POC1A: variants seen among roughly 807,000 people sequenced by gnomAD.
The protein encoded by POC1A is POC1 centriolar protein homolog A.
A neutral mutation model predicts 47.8 loss-of-function variants in POC1A; 34 were observed. The ratio of observed to expected loss-of-function variants is 0.71; its 90% CI spans 0.54 to 0.95. The LOEUF is 0.95. Among genes scored for constraint, POC1A ranks in the 40% least tolerant of loss-of-function variants. The pLI, the probability that POC1A is intolerant of heterozygous loss-of-function variation, is 0.00. For missense variants in POC1A, 466 were observed against 528.3 expected (o/e 0.88, Z 1.16); for synonymous variants, 177 against 207.6 (o/e 0.85, Z 1.27).
chr3:52,105,042 G>C (rs761054607), intron 9 of POC1A, among the ~76,000 whole-genome samples: 1 of 152,116 alleles, frequency 6.6e-6, no homozygotes, highest in Non-Finnish European at 1.5e-5. Context: ...TGTCCAGCCC[G>C]CTCCTGAAAC....
intron 7 of POC1A, among the ~76,000 whole-genome samples, chr3:52,135,682 GAAGT>G (rs1704429931): frequency 6.6e-6 from 1 of 152,158 alleles, no homozygotes; most frequent in South Asian, 2.1e-4. Context: ...GTCTTTGCTG[GAAGT>G]AAGTAAGGCC....
At chr3:52,132,000 T>C (rs1197979960) in intron 7 of POC1A, among the ~76,000 whole-genome samples, 2 of 152,176 alleles carry the variant, frequency 1.3e-5, no homozygotes, top group Non-Finnish European at 1.5e-5. Context: ...AACAGAAACT[T>C]CTAATGCCCT....
rs1318796867 is a variant in POC1A, at chr3:52,084,157, C to T, written c.1126-8172G>A. ...AGAGCCTCGACCTAGGAACTGACCA[C>T]AGCCACCTGGTCCTACAGTCCATGA... On this transcript the variant is annotated intron_variant, in intron 10 of 10. Coordinates refer to ENST00000296484, the MANE Select transcript of POC1A (RefSeq NM_015426.5). The surrounding 1 kb of genome is among the most constrained non-coding windows in gnomAD (Gnocchi z 4.3). Among the ~76,000 whole-genome samples, 1 of 152,220 alleles carries T rather than the reference C, an allele frequency of 6.6e-6. No individual in the cohort carries two copies. The highest frequency in any genetic ancestry group is 2.4e-5 in the African/African-American group (1 of 41,456).
At chr3:52,153,515 C>T (rs965280508) in intron 1 of POC1A, among the ~76,000 whole-genome samples, 1 of 152,268 alleles carries the variant, frequency 6.6e-6, no homozygotes, top group Non-Finnish European at 1.5e-5. Flanking sequence ...GGGTCCCCAA[C>T]AGAGCCTTCT....
At chr3:52,102,471 TC>T in intron 9 of POC1A, among the ~76,000 whole-genome samples, 1 of 152,298 alleles carries the variant, frequency 6.6e-6, no homozygotes, top group Non-Finnish European at 1.5e-5. Context: ...GGCATTCATC[TC>T]CTTTCTCTGT....
At chr3:52,136,725 G>A (rs1395304435) in intron 7 of POC1A, among the ~76,000 whole-genome samples, 1 of 152,194 alleles carries the variant, frequency 6.6e-6, no homozygotes, top group African/African-American at 2.4e-5. Context: ...ACAAGGCAAT[G>A]CGCCATGGTC....
intron 9 of POC1A, among the ~76,000 whole-genome samples, chr3:52,109,130 G>C (rs1184968741): frequency 1.3e-5 from 2 of 152,132 alleles, no homozygotes; most frequent in Non-Finnish European, 2.9e-5. Flanking sequence ...CAGAGAACAT[G>C]GGTTTTCTCA....
chr3:52,132,331 C>A (rs937465104), intron 7 of POC1A, among the ~76,000 whole-genome samples: 4 of 152,106 alleles, frequency 2.6e-5, no homozygotes, highest in African/African-American at 9.7e-5. Flanking sequence ...TTTTTCAAAA[C>A]CAGAAATGGG....
At chr3:52,151,611 A>G (rs1368649356) in intron 1 of POC1A, among the ~76,000 whole-genome samples, 1 of 134,672 alleles carries the variant, frequency 7.4e-6, no homozygotes, top group East Asian at 2.1e-4. Context: ...ACTCCGTCTC[A>G]AAAAAAAAAA....
At chr3:52,134,450 G>A (rs1271323640) in intron 7 of POC1A, among the ~76,000 whole-genome samples, 2 of 152,022 alleles carry the variant, frequency 1.3e-5, no homozygotes, top group Admixed American at 6.6e-5. Flanking sequence ...TGGCCAACAC[G>A]GTGAAACCCC....
At chr3:52,091,517 C>A (rs2106956964) in intron 10 of POC1A, among the ~76,000 whole-genome samples, 1 of 152,316 alleles carries the variant, frequency 6.6e-6, no homozygotes, top group East Asian at 1.9e-4. Flanking sequence ...ATGACCCATG[C>A]CTGATTTTCA....
At chr3:52,092,912 C>T (rs1702690249) in intron 10 of POC1A, among the ~76,000 whole-genome samples, 1 of 152,224 alleles carries the variant, frequency 6.6e-6, no homozygotes, top group Admixed American at 6.5e-5. Context: ...GGGGAAGCTG[C>T]CCCACTTGCT....
rs1015580943 is a variant in POC1A at position 52,090,808 on chromosome 3, C to T, written c.1125+5761G>A. On this transcript the variant is annotated intron_variant, in intron 10 of 10. Transcript: ENST00000296484. The surrounding 1 kb of genome is among the most constrained non-coding windows in gnomAD (Gnocchi z 4.2). ...CCTGGGCAGGCAGGCCTAGCAGCCT[C>T]GGGGTCCGGCCTAGAGTCCTCCAGG... Among the ~76,000 whole-genome samples the T allele has an allele frequency of 1.3e-5, 2 of 152,100 alleles. No homozygotes were observed. Among genetic ancestry groups the T allele is most frequent in the South Asian group, 4.1e-4 (2 of 4,830 alleles).
chr3:52,119,923 C>T (rs867974170), intron 9 of POC1A, among the ~76,000 whole-genome samples: 3 of 152,180 alleles, frequency 2.0e-5, no homozygotes, highest in Non-Finnish European at 2.9e-5. Context: ...AGAGGCTCAT[C>T]GGACTCACAA....
intron 10 of POC1A, among the ~76,000 whole-genome samples, chr3:52,085,197 C>G (rs948080692): frequency 1.3e-5 from 2 of 152,154 alleles, no homozygotes; most frequent in African/African-American, 4.8e-5. Flanking sequence ...GCTCTGCCCT[C>G]GCCAGACTCA....
chr3:52,152,534 C>T (rs1392207219), intron 1 of POC1A, among the ~76,000 whole-genome samples: 5 of 152,054 alleles, frequency 3.3e-5, no homozygotes, highest in African/African-American at 9.7e-5. Context: ...TGCACCAGTG[C>T]ACTCCAGCCT....
intron 1 of POC1A, among the ~76,000 whole-genome samples, chr3:52,152,686 G>A (rs780829351): frequency 2.4e-4 from 36 of 152,254 alleles, no homozygotes; most frequent in Non-Finnish European, 4.6e-4. Flanking sequence ...TGAAAACATG[G>A]TTTACACAAA....
intron 7 of POC1A, among the ~76,000 whole-genome samples, chr3:52,126,802 C>T (rs999595507): frequency 1.3e-5 from 2 of 152,186 alleles, no homozygotes; most frequent in Non-Finnish European, 2.9e-5. Flanking sequence ...AAACCCACCC[C>T]ATGGTAACAA....
intron 10 of POC1A, among the ~76,000 whole-genome samples, chr3:52,089,590 G>A (rs1702577930): frequency 6.6e-6 from 1 of 152,084 alleles, no homozygotes; most frequent in African/African-American, 2.4e-5. Context: ...GCCCATTTTT[G>A]CAGAAACAAC....
Sources: allele counts gnomAD v4.1 joint callset (sites outside exome capture counted in the v4.1 genomes callset), GRCh38; gene constraint gnomAD v4.1.1; non-coding constraint Gnocchi (gnomAD v3.1); transcripts MANE v1.5; gene names NCBI Gene and HGNC (gene_info 2026-07-23, HGNC 2026-07-21).